Variants in LYRM4 observed in about 807,000 individuals in gnomAD.
LYRM4 encodes LYR motif containing 4.
Under a neutral mutation model 11.7 loss-of-function variants are expected in LYRM4, and 9 were observed. That is an observed-to-expected ratio of 0.77 (90% CI 0.46 to 1.34). The LOEUF is 1.34. Ranked by LOEUF, LYRM4 falls within the 40% of genes most tolerant of loss-of-function variation. LYRM4 has a pLI of 0.00. For missense variants in LYRM4, 133 were observed against 112.5 expected, an observed-to-expected ratio of 1.18 and a Z score of -0.82; for synonymous variants, 42 against 40.4, an observed-to-expected ratio of 1.04 and a Z score of -0.15.
chr6:5,111,276 A>G (rs1345376284), intron 2 of LYRM4, among the ~76,000 whole-genome samples: 1 of 152,266 alleles, frequency 6.6e-6, no homozygotes, highest in Non-Finnish European at 1.5e-5. Context: ...ACAGTTTTGT[A>G]TAACAGCTGG....
rs77039904 is a variant in LYRM4, at chr6:5,205,539, A to G, written c.207+11079T>C. 1.4e-4 allele frequency among the ~76,000 whole-genome samples: 22 copies of G among 151,864 alleles called. 1 individual carries two copies. The highest frequency in any genetic ancestry group is 5.3e-4 in the African/African-American group (22 of 41,398). On this transcript the variant is annotated intron_variant, in intron 2 of 2. Transcript: ENST00000330636. ...GAAAAAAGTATGGTCAATGTCTTAT[A>G]AAAAAAAACAGGCTGAGTTTCAAAA...
rs115471192 is a variant in LYRM4, at chr6:5,179,507, T to C, written c.207+37111A>G. ...AATTTGACTTTAGTAGCTCATATAA[T>C]TGGAATAGCACAGTATTTGTTCTTT... On this transcript the variant is annotated intron_variant, in intron 2 of 2. Coordinates refer to ENST00000330636, the MANE Select transcript of LYRM4 (RefSeq NM_020408.6). Among the ~76,000 whole-genome samples, 1,055 of 152,320 alleles carry C rather than the reference T, an allele frequency of 6.9e-3. 10 individuals carry two copies. Among genetic ancestry groups the C allele is most frequent in the African/African-American group, 0.024 (1,003 of 41,574 alleles).
the LYRM4 span, chr6:5,085,373 C>A: frequency 1.3e-6 from 1 of 760,534 alleles, no homozygotes; most frequent in Non-Finnish European, 2.0e-6. Flanking sequence ...CGACTCGCCT[C>A]GGGGAGGGCG....
chr6:5,083,468 G>C, the LYRM4 span, among the ~76,000 whole-genome samples: 1 of 152,186 alleles, frequency 6.6e-6, no homozygotes, highest in Non-Finnish European at 1.5e-5. Context: ...CCAGCAAGGG[G>C]ACCGGCAGGG....
chr6:5,128,934 G>A (rs1403689313), intron 2 of LYRM4, among the ~76,000 whole-genome samples: 1 of 152,214 alleles, frequency 6.6e-6, no homozygotes, highest in Non-Finnish European at 1.5e-5. Context: ...CCCTTCAAAG[G>A]CTTGACTTTG....
At chr6:5,177,179 G>A (rs554960193) in intron 2 of LYRM4, among the ~76,000 whole-genome samples, 5 of 152,332 alleles carry the variant, frequency 3.3e-5, no homozygotes, top group African/African-American at 9.6e-5. Context: ...AAAGAACTCT[G>A]CTCTTAACAG....
chr6:5,085,831 G>C, the LYRM4 span: 4 of 1,528,950 alleles, frequency 2.6e-6, no homozygotes, highest in Non-Finnish European at 3.5e-6. Context: ...GGGGGCGGAG[G>C]ACGCACAGCT....
chr6:5,109,233 A>G lies in LYRM4; in HGVS notation c.*190T>C. The stretch of plus-strand genomic sequence containing the variant: ...TCCAGCTCTCCATTCTAACACTTGA[A>G]CCAAGGAAAGACAGCAGTCCTTTTT... On this transcript the variant is annotated 3_prime_UTR_variant, in exon 3 of 3. Coordinates refer to ENST00000330636, the MANE Select transcript of LYRM4 (RefSeq NM_020408.6). 1.4e-6 allele frequency: 2 copies of G among 1,442,178 alleles called. No homozygotes were observed. Among genetic ancestry groups the G allele is most frequent in the Non-Finnish European group, 1.8e-6 (2 of 1,097,326 alleles). 89.3% of individuals were successfully genotyped at this position (1,442,178 alleles called of 1,614,324 possible). A position where few individuals can be genotyped will look rare whatever the true frequency, so the allele number is the denominator to read the frequency against.
the LYRM4 span, among the ~76,000 whole-genome samples, chr6:5,082,292 A>C: frequency 6.6e-6 from 1 of 152,174 alleles, no homozygotes; most frequent in Non-Finnish European, 1.5e-5. Flanking sequence ...TCAGAATTGA[A>C]TTATTGGACA....
At chr6:5,072,709 G>A in the LYRM4 span, among the ~76,000 whole-genome samples, 6 of 151,830 alleles carry the variant, frequency 4.0e-5, no homozygotes, top group Non-Finnish European at 7.4e-5. Context: ...CCACCGCATC[G>A]GCCCACATCA....
At chr6:5,207,154 T>C (rs1761746771) in intron 2 of LYRM4, among the ~76,000 whole-genome samples, 1 of 152,202 alleles carries the variant, frequency 6.6e-6, no homozygotes, top group African/African-American at 2.4e-5. Flanking sequence ...ACTCCTATTA[T>C]ATCTCAGGGA....
chr6:5,169,719 CA>C (rs1276702195), intron 2 of LYRM4, among the ~76,000 whole-genome samples: 1 of 152,182 alleles, frequency 6.6e-6, no homozygotes, highest in African/African-American at 2.4e-5. Flanking sequence ...TTTACAATTA[CA>C]CGCTGACTTA....
chr6:5,086,456 C>T, the LYRM4 span: 1 of 1,536,874 alleles, frequency 6.5e-7, no homozygotes, highest in Non-Finnish European at 8.7e-7. Flanking sequence ...CGCGGCGTCG[C>T]GGTCCACTTC....
At position 5,136,264 on chromosome 6, in the gene LYRM4, A is replaced by G. The variant is rs1757093031; in HGVS notation, c.208-26773T>C. 22 of 981,812 alleles carry G rather than the reference A, an allele frequency of 2.2e-5. 1 individual carries two copies. In the South Asian group the frequency reaches 8.5e-4, roughly 38 times the overall value. 60.8% of individuals were successfully genotyped at this position (981,812 alleles called of 1,614,324 possible). On this transcript the variant is annotated intron_variant, in intron 2 of 2. Transcript: ENST00000330636. ...GGGGTATATACTGAGAAATGGAATC[A>G]CTAGATCATTTGGTCATTCTATTCA...
intron 2 of LYRM4, among the ~76,000 whole-genome samples, chr6:5,204,800 C>T (rs926705615): frequency 1.3e-5 from 2 of 152,222 alleles, no homozygotes; most frequent in South Asian, 2.1e-4. Flanking sequence ...AGATCTGCCT[C>T]GGTCACTTTT....
At chr6:5,179,074 A>C (rs1448845654) in intron 2 of LYRM4, among the ~76,000 whole-genome samples, 16 of 61,240 alleles carry the variant, frequency 2.6e-4, no homozygotes, top group African/African-American at 3.4e-4. Flanking sequence ...ACAAAAAAAA[A>C]AAAAAAAAAA....
At chr6:5,237,919 C>T (rs2127752063) in intron 1 of LYRM4, among the ~76,000 whole-genome samples, 1 of 152,276 alleles carries the variant, frequency 6.6e-6, no homozygotes, top group East Asian at 1.9e-4. Context: ...GAAAGAGTTA[C>T]AATTCTTCTA....
chr6:5,140,592 T>C (rs1179313041), intron 2 of LYRM4, among the ~76,000 whole-genome samples: 1 of 152,200 alleles, frequency 6.6e-6, no homozygotes, highest in Non-Finnish European at 1.5e-5. Context: ...AGTGTGTGGC[T>C]GAGGATCCCG....
At position 5,121,913 on chromosome 6, in the gene LYRM4, G is replaced by T. The variant is rs114713207; in HGVS notation, c.208-12422C>A. Among the ~76,000 whole-genome samples, 684 of 152,342 alleles carry T rather than the reference G, an allele frequency of 4.5e-3. 7 individuals are homozygous for T. Among genetic ancestry groups the T allele is most frequent in the African/African-American group, 0.016 (657 of 41,568 alleles). ...TCCTGGGATGTGTGCTGGGGAATGAGCAAGTTCTTGATGGTGTGTTCACCA... is the reference window on the plus strand; with the variant it reads ...TCCTGGGATGTGTGCTGGGGAATGATCAAGTTCTTGATGGTGTGTTCACCA... On this transcript the variant is annotated intron_variant, in intron 2 of 2. Transcript: ENST00000330636.
Sources: gnomAD v4.1 joint callset for allele counts (sites outside exome capture counted in the v4.1 genomes callset) on GRCh38, gnomAD v4.1.1 for gene constraint, MANE v1.5 for transcripts, NCBI Gene and HGNC (gene_info 2026-07-23, HGNC 2026-07-21) for gene names.